Variants in RAD51AP1 observed in about 807,000 individuals in gnomAD.
RAD51AP1 encodes the protein RAD51 associated protein 1, also known as RAD51-associated protein 1.
A neutral mutation model predicts 34.3 loss-of-function variants in RAD51AP1; 14 were observed. That is an observed-to-expected ratio of 0.41 (90% CI 0.27 to 0.64). The LOEUF is 0.64. Ranked by LOEUF, RAD51AP1 falls within the 30% of genes least tolerant of loss-of-function variation. The probability of loss-of-function intolerance (pLI) is 0.33; values close to 1 mark genes in which losing one functional copy is unlikely to be tolerated. For missense variants in RAD51AP1, 348 were observed against 386.9 expected (o/e 0.90, Z 0.84); for synonymous variants, 114 against 129.8 (o/e 0.88, Z 0.83).
Position 4,553,321 on chromosome 12 carries a change from A to T in RAD51AP1, c.721+174A>T, listed in dbSNP as rs913211454. 13 of 479,120 alleles carry T rather than the reference A, an allele frequency of 2.7e-5. No individual in the cohort carries two copies. In the East Asian group the frequency reaches 4.6e-4, roughly 17 times the overall value. 29.7% of individuals were successfully genotyped at this position (479,120 alleles called of 1,614,324 possible). A position where few individuals can be genotyped will look rare whatever the true frequency, so the allele number is the denominator to read the frequency against. On this transcript the variant is annotated intron_variant, in intron 7 of 8. Coordinates refer to ENST00000352618, the MANE Select transcript of RAD51AP1 (RefSeq NM_006479.5). ...GGGAGAAAAGCGGACAAGAATGCTGACTCCACTACGTATGCTAGCACTTAC... is the reference window on the plus strand; with the variant it reads ...GGGAGAAAAGCGGACAAGAATGCTGTCTCCACTACGTATGCTAGCACTTAC...
intron 2 of RAD51AP1, 95 bp downstream of exon 2, chr12:4,542,028 C>A: frequency 1.5e-6 from 1 of 674,200 alleles, no homozygotes; most frequent in Non-Finnish European, 2.3e-6. Context: ...ACTAAATTGC[C>A]CAAATGCATA....
chr12:4,556,479 A>G lies in RAD51AP1; in HGVS notation c.848A>G (p.Lys283Arg), dbSNP rs772760833. The change falls in exon 8 of 9, where the codon AAG becomes AGG. Residue 283 changes from lysine (K) to arginine (R), a missense_variant. Transcript: ENST00000352618. ...ATACGCAGTCCTTCAGCTGAAAGCAAGAAACCTAAATGGGTCCCACCAGGT... is the reference window on the plus strand; with the variant it reads ...ATACGCAGTCCTTCAGCTGAAAGCAGGAAACCTAAATGGGTCCCACCAGGT... The part of the protein sequence containing the change: ...LEIRSPSAES[K>R]KPKWVPPAAS... The G allele has an allele frequency of 1.9e-6, 3 of 1,613,842 alleles. No homozygotes were observed. Among genetic ancestry groups the G allele is most frequent in the South Asian group, 2.2e-5 (2 of 91,072 alleles).
chr12:4,552,689 T>C (rs906397064), intron 6 of RAD51AP1, among the ~76,000 whole-genome samples: 3 of 152,214 alleles, frequency 2.0e-5, no homozygotes, highest in African/African-American at 7.2e-5. Flanking sequence ...ATATTGCAGA[T>C]GTTATTCTAA....
intron 7 of RAD51AP1, among the ~76,000 whole-genome samples, chr12:4,553,731 C>A (rs1244356452): frequency 3.3e-5 from 5 of 151,430 alleles, no homozygotes. Flanking sequence ...ACATGGAATA[C>A]CTGTTTCTTG....
chr12:4,557,583 ATAAT>A (rs1431899292), intron 8 of RAD51AP1, among the ~76,000 whole-genome samples: 4 of 152,240 alleles, frequency 2.6e-5, no homozygotes, highest in Non-Finnish European at 5.9e-5. Context: ...ATTTCTAAAA[ATAAT>A]TAATGCTTCC....
intron 1 of RAD51AP1, among the ~76,000 whole-genome samples, chr12:4,539,331 G>A (rs1019916262): frequency 3.9e-5 from 6 of 152,102 alleles, no homozygotes; most frequent in Admixed American, 2.0e-4. Flanking sequence ...ACGTATAGAG[G>A]GTAAGTTATC....
In RAD51AP1 at chr12:4,541,865, A is replaced by C. The variant is rs1337479168; in HGVS notation, c.18-19A>C. On this transcript the variant is annotated intron_variant, in intron 1 of 8. Coordinates refer to ENST00000352618, the MANE Select transcript of RAD51AP1 (RefSeq NM_006479.5). ...AAATTGACATTTGTGTTAATGAAAA[A>C]ATTCTGTTTTGGTCATAGACATAAG... The C allele has an allele frequency of 1.4e-6, 2 of 1,402,850 alleles. No individual in the cohort carries two copies. The highest frequency in any genetic ancestry group is 1.9e-6 in the Non-Finnish European group (2 of 1,055,786). 86.9% of individuals were successfully genotyped at this position (1,402,850 alleles called of 1,614,324 possible).
intron 7 of RAD51AP1, among the ~76,000 whole-genome samples, chr12:4,554,234 C>T (rs1347206321): frequency 6.6e-6 from 1 of 152,210 alleles, no homozygotes; most frequent in Non-Finnish European, 1.5e-5. Context: ...CTTGTGGCCC[C>T]TTCCACCTTC....
intron 6 of RAD51AP1, among the ~76,000 whole-genome samples, chr12:4,550,792 A>T (rs1178886764): frequency 6.6e-6 from 1 of 152,200 alleles, no homozygotes; most frequent in Non-Finnish European, 1.5e-5. Flanking sequence ...GGCATGCGCC[A>T]CCATGCCTAA....
At chr12:4,545,449 T>C (rs943598613) in intron 3 of RAD51AP1, 2 of 282,978 alleles carry the variant, frequency 7.1e-6, no homozygotes, top group African/African-American at 4.4e-5. Flanking sequence ...GGGTTTCTTT[T>C]TGGGGTAATA....
In RAD51AP1 at chr12:4,558,921, T is replaced by G; in HGVS notation, c.936T>G (p.Asn312Lys). 6.2e-7 allele frequency: 1 copy of G among 1,614,168 alleles called. No individual in the cohort carries two copies. The highest frequency in any genetic ancestry group is 8.5e-7 in the Non-Finnish European group (1 of 1,179,968). Reference sequence around the variant, plus strand: ...TGGTAGTGTCTGTGAAGTCTCCCAATCAGAGTCTCCGCCTTGGCTTGTCCA... The same window carrying G: ...TGGTAGTGTCTGTGAAGTCTCCCAAGCAGAGTCTCCGCCTTGGCTTGTCCA... ...PLVVVSVKSP[N>K]QSLRLGLSRL... is the part of the protein sequence containing the mutation. The change falls in exon 9 of 9, where the codon AAT becomes AAG. Residue 312 changes from asparagine to lysine, a missense_variant. Physicochemically the swap from Asn to Lys is moderately conservative, Grantham distance 94. Transcript: ENST00000352618.
intron 5 of RAD51AP1, among the ~76,000 whole-genome samples, chr12:4,548,418 G>A (rs1944522421): frequency 6.6e-6 from 1 of 152,156 alleles, no homozygotes; most frequent in Admixed American, 6.5e-5. Context: ...TTGAAGAAAG[G>A]GGCTGCATAT....
At chr12:4,554,835 G>A (rs1944571062) in intron 7 of RAD51AP1, among the ~76,000 whole-genome samples, 2 of 152,162 alleles carry the variant, frequency 1.3e-5, no homozygotes, top group Admixed American at 1.3e-4. Flanking sequence ...TGAGAGCTAT[G>A]CTGTCCAATA....
At chr12:4,541,494 C>G (rs1011096875) in intron 1 of RAD51AP1, among the ~76,000 whole-genome samples, 12 of 152,044 alleles carry the variant, frequency 7.9e-5, no homozygotes, top group African/African-American at 2.9e-4. Context: ...TACAAATGCC[C>G]AACAGCAATT....
chr12:4,548,933 G>C (rs1944526536), intron 6 of RAD51AP1, 97 bp downstream of exon 6: 2 of 1,364,324 alleles, frequency 1.5e-6, no homozygotes, highest in Non-Finnish European at 2.0e-6. Flanking sequence ...TTAAACCTTT[G>C]GGGTGTGCAA....
rs1363203233 is a variant in RAD51AP1, at chr12:4,538,914, G to GT, written c.-25dup. ...TGAAGCCAACAAGAATTTGAGAACT[G>GT]TAAATACCAAGCCTTGAAAGGGACC... On this transcript the variant is annotated 5_prime_UTR_variant, in exon 1 of 9. Transcript: ENST00000352618. 6.2e-7 allele frequency: 1 copy of GT among 1,613,508 alleles called. No homozygotes were observed. The highest frequency in any genetic ancestry group is 8.5e-7 in the Non-Finnish European group (1 of 1,179,602).
intron 3 of RAD51AP1, among the ~76,000 whole-genome samples, chr12:4,544,663 A>G (rs1037332254): frequency 6.6e-6 from 1 of 152,096 alleles, no homozygotes; most frequent in Admixed American, 6.5e-5. Context: ...CACACGTGGG[A>G]GAAAATATTT....
In RAD51AP1 at chr12:4,546,444, C is replaced by T. The variant is rs893886058; in HGVS notation, c.319+26C>T. 2.0e-6 allele frequency: 3 copies of T among 1,486,558 alleles called. No homozygotes were observed. In the African/African-American group the frequency reaches 4.2e-5, roughly 21 times the overall value. The allele number at this position is 1,486,558 out of a possible 1,614,324, so 92.1% of individuals were successfully genotyped here. A position where few individuals can be genotyped will look rare whatever the true frequency, so the allele number is the denominator to read the frequency against. Reference sequence around the variant, plus strand: ...GTAACTTTATTTTCTGTATATTTAGCTTTAAAACCTTCTTAATGCTTTTGT... The same window carrying T: ...GTAACTTTATTTTCTGTATATTTAGTTTTAAAACCTTCTTAATGCTTTTGT... On this transcript the variant is annotated intron_variant, in intron 4 of 8. Transcript: ENST00000352618.
chr12:4,545,746 A>T, intron 3 of RAD51AP1: 1 of 1,609,886 alleles, frequency 6.2e-7, no homozygotes, highest in Non-Finnish European at 8.5e-7. Context: ...AATTATTAGC[A>T]TGTCTTGTTT....
Sources: gnomAD v4.1 joint callset for allele counts (sites outside exome capture counted in the v4.1 genomes callset) on GRCh38, gnomAD v4.1.1 for gene constraint, MANE v1.5 for transcripts, NCBI Gene and HGNC (gene_info 2026-07-23, HGNC 2026-07-21) for gene names.